Variants in MTFR1 observed in about 807,000 individuals in gnomAD.
The protein encoded by MTFR1 is chondrocyte protein with a poly-proline region.
MTFR1 carries 28 observed loss-of-function variants against 38.8 expected under a neutral mutation model. The observed-to-expected ratio is 0.72, with a 90% CI of 0.53 to 0.99. MTFR1 has a LOEUF of 0.99. Ranked by LOEUF, MTFR1 falls within the 50% of genes least tolerant of loss-of-function variation. The probability of loss-of-function intolerance (pLI) is 0.00; values close to 1 mark genes in which losing one functional copy is unlikely to be tolerated. For synonymous variants in MTFR1, 145 were observed against 137.0 expected (o/e 1.06, Z -0.41); for missense variants, 358 against 395.5 (o/e 0.91, Z 0.81).
chr8:65,765,141 C>T (rs1808702826), intron 3 of MTFR1, among the ~76,000 whole-genome samples: 1 of 152,158 alleles, frequency 6.6e-6, no homozygotes, highest in Non-Finnish European at 1.5e-5. Context: ...CTGAAAGGTC[C>T]CCCTGCTGCC....
intron 1 of MTFR1, among the ~76,000 whole-genome samples, chr8:65,662,101 CACAG>C (rs1563435840): frequency 1.0e-5 from 1 of 99,960 alleles, no homozygotes; most frequent in Non-Finnish European, 2.4e-5. Context: ...CCTCTCTTTC[CACAG>C]TCTCCCTCTC....
At chr8:65,767,289 T>C (rs540263831) in intron 3 of MTFR1, among the ~76,000 whole-genome samples, 2 of 152,346 alleles carry the variant, frequency 1.3e-5, no homozygotes, top group South Asian at 4.1e-4. Context: ...TATGGATTAG[T>C]TGTCATGATA....
At chr8:65,647,413 A>C (rs946174905) in intron 1 of MTFR1, among the ~76,000 whole-genome samples, 1 of 152,096 alleles carries the variant, frequency 6.6e-6, no homozygotes, top group African/African-American at 2.4e-5. Context: ...CCTGGGTTCA[A>C]GCGATTCTCC....
intron 1 of MTFR1, among the ~76,000 whole-genome samples, chr8:65,660,669 C>T (rs1809387791): frequency 6.6e-6 from 1 of 152,112 alleles, no homozygotes; most frequent in African/African-American, 2.4e-5. Flanking sequence ...TGAGCCAATC[C>T]CTCATAATAA....
At chr8:65,733,372 C>G (rs1211579673) in intron 3 of MTFR1, among the ~76,000 whole-genome samples, 1 of 152,140 alleles carries the variant, frequency 6.6e-6, no homozygotes, top group Non-Finnish European at 1.5e-5. Flanking sequence ...TTTCCACTTA[C>G]CAGATTGTAT....
intron 5 of MTFR1, among the ~76,000 whole-genome samples, chr8:65,705,444 G>A (rs990889054): frequency 1.3e-5 from 2 of 152,222 alleles, no homozygotes; most frequent in African/African-American, 4.8e-5. Context: ...CAGAGAAGAT[G>A]ACTAGGAAGT....
chr8:65,729,954 A>G (rs1374231355), intron 3 of MTFR1, among the ~76,000 whole-genome samples: 1 of 151,910 alleles, frequency 6.6e-6, no homozygotes, highest in Non-Finnish European at 1.5e-5. Flanking sequence ...AGGCAAAAGG[A>G]CAAGGCGGTC....
Position 65,682,466 on chromosome 8 carries a change from A to G in MTFR1, c.165+15A>G. 7.9e-7 allele frequency: 1 copy of G among 1,259,818 alleles called. No homozygotes were observed. Among genetic ancestry groups the G allele is most frequent in the Non-Finnish European group, 1.1e-6 (1 of 950,336 alleles). 78.0% of individuals were successfully genotyped at this position (1,259,818 alleles called of 1,614,324 possible). ...TTCAGTTTCAGGTATTATATTTTAT[A>G]TATTTTAAGTATTTTATTAATATGT... On this transcript the variant is annotated intron_variant, in intron 3 of 7. Coordinates refer to ENST00000262146, the MANE Select transcript of MTFR1 (RefSeq NM_014637.4).
At chr8:65,675,100 G>A (rs1055731830) in intron 2 of MTFR1, among the ~76,000 whole-genome samples, 14 of 152,122 alleles carry the variant, frequency 9.2e-5, no homozygotes, top group Non-Finnish European at 1.9e-4. Flanking sequence ...AGACCAGCCT[G>A]ACCAACATAG....
chr8:65,669,259 G>A (rs1260984771), intron 1 of MTFR1, among the ~76,000 whole-genome samples: 1 of 152,204 alleles, frequency 6.6e-6, no homozygotes, highest in African/African-American at 2.4e-5. Flanking sequence ...CGTGGACCCT[G>A]TCTGTGGTGG....
chr8:65,717,040 A>G (rs1806168957), intron 2 of MTFR1, among the ~76,000 whole-genome samples: 1 of 152,212 alleles, frequency 6.6e-6, no homozygotes, highest in Non-Finnish European at 1.5e-5. Context: ...AAGAATGTAA[A>G]AACATCTAAT....
intron 3 of MTFR1, among the ~76,000 whole-genome samples, chr8:65,767,001 AAAC>A (rs149118435): frequency 0.04 from 5,990 of 150,894 alleles, 355 homozygotes; most frequent in African/African-American, 0.13. Flanking sequence ...TGCTCATTCA[AAAC>A]AACAACAACA....
chr8:65,725,397 G>T, intron 3 of MTFR1: 1 of 154,818 alleles, frequency 6.5e-6, no homozygotes, highest in African/African-American at 2.4e-5. Flanking sequence ...CAGACATTCT[G>T]ACTAAGATGC....
At chr8:65,650,246 C>G (rs1227090189) in intron 1 of MTFR1, among the ~76,000 whole-genome samples, 3 of 122,296 alleles carry the variant, frequency 2.5e-5, no homozygotes, top group Non-Finnish European at 4.8e-5. Context: ...CAGAGTTTTA[C>G]TCTGCAACCT....
At chr8:65,656,097 G>A (rs1809262212) in intron 1 of MTFR1, among the ~76,000 whole-genome samples, 1 of 149,646 alleles carries the variant, frequency 6.7e-6, no homozygotes, top group Admixed American at 6.7e-5. Flanking sequence ...TCAGGAGGCT[G>A]AGGCAGGAGA....
chr8:65,697,342 G>A (rs1322477714), intron 4 of MTFR1, among the ~76,000 whole-genome samples: 8 of 152,264 alleles, frequency 5.3e-5, no homozygotes, highest in East Asian at 3.9e-4. Context: ...GGCCACGGGC[G>A]TGCACCTACA....
At chr8:65,762,353 A>C (rs549840492) in intron 3 of MTFR1, among the ~76,000 whole-genome samples, 14 of 152,322 alleles carry the variant, frequency 9.2e-5, no homozygotes, top group Non-Finnish European at 1.3e-4. Context: ...TTTAGCATGC[A>C]TGAATGAATA....
At chr8:65,740,891 C>T (rs1304458288) in intron 3 of MTFR1, among the ~76,000 whole-genome samples, 2 of 152,186 alleles carry the variant, frequency 1.3e-5, no homozygotes, top group African/African-American at 4.8e-5. Flanking sequence ...CACAGCCTCT[C>T]CTGGCCCCCT....
In MTFR1 at chr8:65,707,001, T is replaced by C. The variant is rs779291866; in HGVS notation, c.518-9T>C. ...GTGGGATTAAGTTTGTTTTCCTTTG[T>C]TTCTGTAGGTGACTTAGATTCTACC... On this transcript the variant is annotated splice_polypyrimidine_tract_variant and intron_variant, in intron 5 of 7. Transcript: ENST00000262146. The C allele has an allele frequency of 1.9e-6, 3 of 1,575,316 alleles. No homozygotes were observed. The highest frequency in any genetic ancestry group is 2.6e-6 in the Non-Finnish European group (3 of 1,162,934).
Sources: allele counts gnomAD v4.1 joint callset (sites outside exome capture counted in the v4.1 genomes callset), GRCh38; gene constraint gnomAD v4.1.1; transcripts MANE v1.5; gene names NCBI Gene and HGNC (gene_info 2026-07-23, HGNC 2026-07-21).